Variants in RAB28 observed in about 807,000 individuals in gnomAD.
RAB28 encodes ras-related protein Rab-28.
A neutral mutation model predicts 31.7 loss-of-function variants in RAB28; 24 were observed. The observed-to-expected ratio is 0.76, with a 90% CI of 0.55 to 1.06. The LOEUF (loss-of-function observed/expected upper bound fraction) is 1.06, where lower values mean the gene tolerates loss of function less well. Among genes scored for constraint, RAB28 ranks in the 50% least tolerant of loss-of-function variants. The probability of loss-of-function intolerance (pLI) is 0.00; values close to 1 mark genes in which losing one functional copy is unlikely to be tolerated. For synonymous variants in RAB28, 100 were observed against 90.4 expected (o/e 1.11, Z -0.60); for missense variants, 254 against 258.5 (o/e 0.98, Z 0.12).
At chr4:13,385,228 T>C (rs1385527002) in intron 4 of RAB28, among the ~76,000 whole-genome samples, 1 of 152,142 alleles carries the variant, frequency 6.6e-6, no homozygotes, top group Non-Finnish European at 1.5e-5. Flanking sequence ...CACAACTCAT[T>C]GGTGTCCCTG....
At chr4:13,452,001 T>C (rs575846983) in intron 4 of RAB28, among the ~76,000 whole-genome samples, 1 of 151,948 alleles carries the variant, frequency 6.6e-6, no homozygotes, top group Non-Finnish European at 1.5e-5. Context: ...CTTTGTAGTA[T>C]GTTTTCAACT....
intron 4 of RAB28, among the ~76,000 whole-genome samples, chr4:13,382,698 T>C (rs1448866052): frequency 2.1e-5 from 3 of 142,498 alleles, no homozygotes; most frequent in Admixed American, 7.1e-5. Context: ...ATGGAATTTT[T>C]TTTTTTTTTT....
chr4:13,384,630 G>A (rs933244398), intron 4 of RAB28, among the ~76,000 whole-genome samples: 1 of 152,130 alleles, frequency 6.6e-6, no homozygotes, highest in Non-Finnish European at 1.5e-5. Context: ...AAATCTTCCA[G>A]AAATGAAGCC....
chr4:13,376,939 A>G (rs1346912402), intron 5 of RAB28, among the ~76,000 whole-genome samples: 1 of 152,156 alleles, frequency 6.6e-6, no homozygotes, highest in Non-Finnish European at 1.5e-5. Context: ...TTACTACTAT[A>G]AAAACTCCCA....
chr4:13,475,712 C>T (rs1360461251), intron 2 of RAB28, among the ~76,000 whole-genome samples: 2 of 151,492 alleles, frequency 1.3e-5, no homozygotes, highest in Non-Finnish European at 3.0e-5. Context: ...CACACACTTT[C>T]AACACTTAGA....
At chr4:13,465,814 T>A (rs939691482) in intron 3 of RAB28, among the ~76,000 whole-genome samples, 5 of 149,882 alleles carry the variant, frequency 3.3e-5, no homozygotes, top group Admixed American at 2.7e-4. Flanking sequence ...ACTACTTGAT[T>A]TGAAACTATA....
chr4:13,480,825 TGA>T (rs1370054820), intron 1 of RAB28, among the ~76,000 whole-genome samples: 4 of 151,924 alleles, frequency 2.6e-5, no homozygotes, highest in African/African-American at 9.7e-5. Flanking sequence ...CTATCAAAAC[TGA>T]GAGATCAGAA....
At chr4:13,420,648 G>C (rs1168667520) in intron 4 of RAB28, among the ~76,000 whole-genome samples, 1 of 152,216 alleles carries the variant, frequency 6.6e-6, no homozygotes, top group South Asian at 2.1e-4. Context: ...CAGAACCAAT[G>C]ACAAAAACCA....
chr4:13,372,465 C>T (rs914250191), intron 6 of RAB28, among the ~76,000 whole-genome samples: 1 of 151,868 alleles, frequency 6.6e-6, no homozygotes, highest in African/African-American at 2.4e-5. Flanking sequence ...ACAAGGTCTA[C>T]CTACATGATC....
intron 4 of RAB28, among the ~76,000 whole-genome samples, chr4:13,450,868 A>T (rs1382935763): frequency 6.6e-6 from 1 of 151,858 alleles, no homozygotes; most frequent in Non-Finnish European, 1.5e-5. Flanking sequence ...ATGTTTTGGA[A>T]ACAGAAAAAA....
intron 4 of RAB28, among the ~76,000 whole-genome samples, chr4:13,413,614 T>G (rs1712573536): frequency 6.6e-6 from 1 of 151,740 alleles, no homozygotes; most frequent in Non-Finnish European, 1.5e-5. Context: ...GCATAAAGTT[T>G]TAAGAGAGAA....
In RAB28 at chr4:13,392,237, A is replaced by G. The variant is rs549955836; in HGVS notation, c.392-10643T>C. On this transcript the variant is annotated intron_variant, in intron 4 of 6. Coordinates refer to ENST00000330852, the MANE Select transcript of RAB28 (RefSeq NM_001017979.3). Reference sequence around the variant, plus strand: ...TCCAGGATAAAGTGGCCTGTATATTAGGATATAGAGACAGATTTTGATGAG... The same window carrying G: ...TCCAGGATAAAGTGGCCTGTATATTGGGATATAGAGACAGATTTTGATGAG... 9.8e-5 allele frequency among the ~76,000 whole-genome samples: 15 copies of G among 152,336 alleles called. No individual in the cohort carries two copies. The South Asian group carries it at 2.5e-3, about 25-fold the overall frequency.
At chr4:13,392,314 T>C (rs139429087) in intron 4 of RAB28, among the ~76,000 whole-genome samples, 26 of 152,256 alleles carry the variant, frequency 1.7e-4, no homozygotes, top group Admixed American at 6.5e-4. Context: ...TAAAATTACA[T>C]TATATCAAAT....
chr4:13,451,771 T>TGA (rs1371553841), intron 4 of RAB28, among the ~76,000 whole-genome samples: 1 of 151,888 alleles, frequency 6.6e-6, no homozygotes, highest in African/African-American at 2.4e-5. Flanking sequence ...TTGTATAGGG[T>TGA]GAGAGGTGAA....
intron 4 of RAB28, among the ~76,000 whole-genome samples, chr4:13,439,753 G>A (rs1056881482): frequency 6.6e-6 from 1 of 152,094 alleles, no homozygotes; most frequent in Non-Finnish European, 1.5e-5. Context: ...TAGATTCAGA[G>A]AACACATATA....
chr4:13,422,635 C>A (rs1713231298), intron 4 of RAB28, among the ~76,000 whole-genome samples: 1 of 151,856 alleles, frequency 6.6e-6, no homozygotes, highest in Non-Finnish European at 1.5e-5. Flanking sequence ...TCATTCTCAG[C>A]AAACTATCTT....
At chr4:13,469,571 T>C (rs561162680) in intron 3 of RAB28, among the ~76,000 whole-genome samples, 15 of 152,202 alleles carry the variant, frequency 9.9e-5, no homozygotes, top group African/African-American at 3.1e-4. Flanking sequence ...TCAAGATTTT[T>C]AGTAAGTATT....
chr4:13,455,803 T>C (rs1036016361), intron 4 of RAB28, among the ~76,000 whole-genome samples: 2 of 152,180 alleles, frequency 1.3e-5, no homozygotes, highest in African/African-American at 4.8e-5. Context: ...GCTTACCTTT[T>C]CCCCACAAGG....
rs1023615146 is a variant in RAB28, at chr4:13,371,115, A to G, written c.574-2465T>C. ...CTACATTTATAAATAAAGATCCTAT[A>G]AACAATCGAGAGTAAATGAATAGGA... On this transcript the variant is annotated intron_variant, in intron 6 of 6. Transcript: ENST00000330852. 3.0e-6 allele frequency: 3 copies of G among 985,240 alleles called. No homozygotes were observed. In the African/African-American group the frequency reaches 5.2e-5, roughly 17 times the overall value. 61.0% of individuals were successfully genotyped at this position (985,240 alleles called of 1,614,324 possible).
Sources: allele counts gnomAD v4.1 joint callset (sites outside exome capture counted in the v4.1 genomes callset), GRCh38; gene constraint gnomAD v4.1.1; transcripts MANE v1.5; gene names NCBI Gene and HGNC (gene_info 2026-07-23, HGNC 2026-07-21).